CATSPERT: variants seen among roughly 807,000 people sequenced by gnomAD.
CATSPERT encodes cation channel sperm-associated targeting subunit tau.
At chr2:201,607,763 A>G in the CATSPERT span, among the ~76,000 whole-genome samples, 2 of 152,222 alleles carry the variant, frequency 1.3e-5, no homozygotes, top group Non-Finnish European at 2.9e-5. Context: ...CCAAAAATGC[A>G]TACGTTGCAA....
the CATSPERT span, among the ~76,000 whole-genome samples, chr2:201,518,112 G>A: frequency 6.6e-6 from 1 of 152,182 alleles, no homozygotes; most frequent in Non-Finnish European, 1.5e-5. Context: ...TTAAAAGGAT[G>A]CCAGTCTGTA....
chr2:201,604,822 T>A, the CATSPERT span: 1 of 513,342 alleles, frequency 1.9e-6, no homozygotes, highest in Non-Finnish European at 3.3e-6. Flanking sequence ...GGGGTATTAA[T>A]ATGATTAAGA....
the CATSPERT span, among the ~76,000 whole-genome samples, chr2:201,548,540 T>C: frequency 6.6e-6 from 1 of 152,116 alleles, no homozygotes; most frequent in African/African-American, 2.4e-5. Flanking sequence ...ATATAATTAT[T>C]CAATACATAT....
chr2:201,545,166 T>C, the CATSPERT span, among the ~76,000 whole-genome samples: 1 of 151,934 alleles, frequency 6.6e-6, no homozygotes, highest in Admixed American at 6.6e-5. Context: ...GCCTCCTAAG[T>C]AGCTGGGATT....
At chr2:201,560,400 G>A in the CATSPERT span, among the ~76,000 whole-genome samples, 1 of 150,648 alleles carries the variant, frequency 6.6e-6, no homozygotes, top group Non-Finnish European at 1.5e-5. Flanking sequence ...TCCAGCCTGG[G>A]CAACAGAGCA....
At chr2:201,493,148 C>A in the CATSPERT span, 1 of 1,526,092 alleles carries the variant, frequency 6.6e-7, no homozygotes, top group Non-Finnish European at 8.8e-7. Context: ...AACATTATTT[C>A]ATCTGATTCA....
chr2:201,500,384 C>G, the CATSPERT span, among the ~76,000 whole-genome samples: 3 of 151,928 alleles, frequency 2.0e-5, no homozygotes. Context: ...CATGGTGGCA[C>G]GCGCCTGTGG....
the CATSPERT span, chr2:201,556,898 A>G: frequency 6.6e-6 from 1 of 151,888 alleles, no homozygotes; most frequent in Non-Finnish European, 1.5e-5. Context: ...TAATATGTTT[A>G]TTCTCTTCCT....
At chr2:201,523,834 A>C in the CATSPERT span, among the ~76,000 whole-genome samples, 8 of 152,208 alleles carry the variant, frequency 5.3e-5, no homozygotes, top group Non-Finnish European at 1.0e-4. Context: ...AACTCACTAT[A>C]AGAATTTCAC....
chr2:201,515,153 GT>G, the CATSPERT span, among the ~76,000 whole-genome samples: 3 of 126,682 alleles, frequency 2.4e-5, no homozygotes, highest in Non-Finnish European at 4.9e-5. Flanking sequence ...CAAAGAGATA[GT>G]TTTTTCTTTG....
At chr2:201,582,353 TA>T in the CATSPERT span, 34 of 853,986 alleles carry the variant, frequency 4.0e-5, no homozygotes, top group Non-Finnish European at 5.3e-5. Context: ...ATTATGCAAA[TA>T]AATATTATTT....
chr2:201,605,063 C>CACAG, the CATSPERT span, among the ~76,000 whole-genome samples: 630 of 149,882 alleles, frequency 4.2e-3, 10 homozygotes, highest in Non-Finnish European at 2.1e-3. Context: ...TATACATACA[C>CACAG]ACACACACAC....
At chr2:201,527,346 T>G in the CATSPERT span, among the ~76,000 whole-genome samples, 2 of 152,188 alleles carry the variant, frequency 1.3e-5, no homozygotes, top group Non-Finnish European at 2.9e-5. Context: ...AAGAAATTTA[T>G]AGATCCAATA....
the CATSPERT span, chr2:201,491,275 T>G: frequency 6.5e-7 from 1 of 1,537,934 alleles, no homozygotes; most frequent in African/African-American, 1.4e-5. Context: ...GACTATCTTG[T>G]TAAATGACTT....
the CATSPERT span, among the ~76,000 whole-genome samples, chr2:201,525,677 A>T: frequency 2.0e-5 from 3 of 152,164 alleles, no homozygotes. Flanking sequence ...AATGAAACCA[A>T]AAGTTGGTTC....
At chr2:201,608,684 G>A in the CATSPERT span, among the ~76,000 whole-genome samples, 5 of 151,976 alleles carry the variant, frequency 3.3e-5, no homozygotes, top group African/African-American at 4.8e-5. Flanking sequence ...AGGCATGGTG[G>A]CGAGTTCCTA....
the CATSPERT span, chr2:201,491,845 ATC>A: frequency 1.3e-6 from 2 of 1,536,974 alleles, no homozygotes; most frequent in African/African-American, 1.4e-5. Flanking sequence ...TGGGTCTTGA[ATC>A]TCTGTTTTAT....
chr2:201,537,306 A>G, the CATSPERT span: 1 of 691,824 alleles, frequency 1.4e-6, no homozygotes. Flanking sequence ...TATTGCCATA[A>G]TAGAAACCAT....
chr2:201,518,344 C>T, the CATSPERT span, among the ~76,000 whole-genome samples: 1 of 152,206 alleles, frequency 6.6e-6, no homozygotes, highest in Non-Finnish European at 1.5e-5. Context: ...TTTGTCAGGG[C>T]TTATGAGCCA....
Sources: allele counts gnomAD v4.1 joint callset (sites outside exome capture counted in the v4.1 genomes callset), GRCh38; gene constraint gnomAD v4.1.1; transcripts MANE v1.5; gene names NCBI Gene and HGNC (gene_info 2026-07-23, HGNC 2026-07-21).